Variants in SLC35F4 observed in about 807,000 individuals in gnomAD.
SLC35F4 encodes the protein chromosome 14 open reading frame 36.
Under a neutral mutation model 44.2 loss-of-function variants are expected in SLC35F4, and 24 were observed. The observed-to-expected ratio is 0.54, with a 90% confidence interval of 0.39 to 0.76. SLC35F4 has a LOEUF of 0.76. Ranked by LOEUF, SLC35F4 falls within the 30% of genes least tolerant of loss-of-function variation. SLC35F4 has a pLI of 0.00. For missense variants in SLC35F4, 562 were observed against 586.1 expected, an observed-to-expected ratio of 0.96 and a Z score of 0.42; for synonymous variants, 238 against 223.6, an observed-to-expected ratio of 1.06 and a Z score of -0.57.
intron 1 of SLC35F4, among the ~76,000 whole-genome samples, chr14:57,610,063 T>G (rs2071402329): frequency 6.6e-6 from 1 of 152,220 alleles, no homozygotes; most frequent in South Asian, 2.1e-4. Context: ...TGTCACTATT[T>G]GTTTTGGCTA....
chr14:57,598,159 G>A (rs1328554042), intron 1 of SLC35F4, among the ~76,000 whole-genome samples: 1 of 152,120 alleles, frequency 6.6e-6, no homozygotes, highest in Non-Finnish European at 1.5e-5. Flanking sequence ...TCTCGCTGCT[G>A]GGTACCAGCT....
intron 4 of SLC35F4, among the ~76,000 whole-genome samples, chr14:57,575,499 T>A (rs553309643): frequency 3.6e-4 from 54 of 151,224 alleles, no homozygotes; most frequent in African/African-American, 1.3e-3. Flanking sequence ...ACAAAAAAGA[T>A]GGGGAAAAAA....
chr14:57,836,781 C>T (rs1325302853), intron 1 of SLC35F4, among the ~76,000 whole-genome samples: 2 of 152,142 alleles, frequency 1.3e-5, no homozygotes, highest in Non-Finnish European at 2.9e-5. Context: ...GCACACCCTT[C>T]CTGAATTACT....
At chr14:57,889,762 C>A (rs900926024) in intron 1 of SLC35F4, among the ~76,000 whole-genome samples, 1 of 152,018 alleles carries the variant, frequency 6.6e-6, no homozygotes, top group African/African-American at 2.4e-5. Context: ...AAATGAATGC[C>A]TTTGTTATAT....
At chr14:57,866,767 G>A (rs996584882), upstream of SLC35F4, among the ~76,000 whole-genome samples, 1 of 151,966 alleles carries the variant, frequency 6.6e-6, no homozygotes, top group Non-Finnish European at 1.5e-5. Flanking sequence ...ATATCTGGAC[G>A]AGTGAAAGTC....
intron 1 of SLC35F4, among the ~76,000 whole-genome samples, chr14:57,608,791 G>T (rs1000236946): frequency 5.7e-4 from 13 of 22,758 alleles, no homozygotes; most frequent in East Asian, 1.1e-3. Context: ...GATGGCCGGG[G>T]GGGGGCGGCG....
chr14:57,686,945 A>C (rs139687437), intron 1 of SLC35F4, among the ~76,000 whole-genome samples: 20 of 143,494 alleles, frequency 1.4e-4, no homozygotes, highest in African/African-American at 4.9e-4. Context: ...TAAGGTCTTT[A>C]TAGGAATAAT....
intron 1 of SLC35F4, among the ~76,000 whole-genome samples, chr14:57,946,267 T>C (rs910055322): frequency 6.6e-6 from 1 of 152,120 alleles, no homozygotes; most frequent in Non-Finnish European, 1.5e-5. Context: ...AGGTCTTAGA[T>C]GTATGCCTTT....
chr14:57,644,084 G>C (rs2073378682), intron 1 of SLC35F4, among the ~76,000 whole-genome samples: 1 of 152,176 alleles, frequency 6.6e-6, no homozygotes. Context: ...ACATACGTGT[G>C]CATGTGTCTT....
intron 1 of SLC35F4, among the ~76,000 whole-genome samples, chr14:57,916,459 CT>C (rs1566928810): frequency 1.3e-5 from 2 of 152,238 alleles, no homozygotes; most frequent in East Asian, 3.9e-4. Flanking sequence ...AGTGTAGGAT[CT>C]TTTTGGTATC....
chr14:57,840,240 T>C (rs1261055973), intron 1 of SLC35F4, among the ~76,000 whole-genome samples: 1 of 152,164 alleles, frequency 6.6e-6, no homozygotes, highest in Non-Finnish European at 1.5e-5. Context: ...TACACTGCCA[T>C]CCAAAACAAA....
intron 1 of SLC35F4, among the ~76,000 whole-genome samples, chr14:57,720,559 G>A (rs2076057923): frequency 6.6e-6 from 1 of 152,080 alleles, no homozygotes; most frequent in Non-Finnish European, 1.5e-5. Context: ...AATCTTGGTA[G>A]GTTGTATGTA....
chr14:57,676,152 G>A (rs1157803450), intron 1 of SLC35F4, among the ~76,000 whole-genome samples: 1 of 152,002 alleles, frequency 6.6e-6, no homozygotes, highest in Non-Finnish European at 1.5e-5. Context: ...GCAGGCAAAG[G>A]TTGATTCCAT....
At chr14:57,696,837 A>G (rs11158168) in intron 1 of SLC35F4, among the ~76,000 whole-genome samples, 68,907 of 152,072 alleles carry the variant, frequency 0.45, 15,976 homozygotes, top group African/African-American at 0.56. Flanking sequence ...CAAACACTGC[A>G]TGTTCTCACT....
intron 1 of SLC35F4, among the ~76,000 whole-genome samples, chr14:57,651,171 G>A (rs1332705378): frequency 6.6e-6 from 1 of 152,162 alleles, no homozygotes; most frequent in African/African-American, 2.4e-5. Flanking sequence ...TTCACTACTA[G>A]ATTGGGACCT....
intron 1 of SLC35F4, among the ~76,000 whole-genome samples, chr14:57,944,048 A>G (rs1055730773): frequency 2.0e-5 from 3 of 150,502 alleles, no homozygotes; most frequent in African/African-American, 7.3e-5. Flanking sequence ...CCCCTCCCCA[A>G]ATGAACCCAG....
chr14:57,564,141 C>T lies in SLC35F4; in HGVS notation c.1452G>A (p.Leu484=). The T allele has an allele frequency of 2.5e-6, 4 of 1,613,678 alleles. No homozygotes were observed. The highest frequency in any genetic ancestry group is 3.4e-6 in the Non-Finnish European group (4 of 1,179,780). The change falls in exon 8 of 8, where the codon CTG becomes CTA. Residue 484 remains leucine, a synonymous_variant. Coordinates refer to ENST00000556826, the MANE Select transcript of SLC35F4 (RefSeq NM_001306087.2). The part of the protein sequence containing the change: ...GRANGTVSIP[L]A ...ATTCAAAATATGTCCCTCTCTAAGC[C>T]AGTGGTATAGACACTGTCCCATTGG... is the stretch of plus-strand genomic sequence containing the variant.
At chr14:57,754,542 C>G (rs768672455) in intron 1 of SLC35F4, among the ~76,000 whole-genome samples, 18 of 152,170 alleles carry the variant, frequency 1.2e-4, no homozygotes, top group African/African-American at 4.1e-4. Context: ...ACTCAGGAAC[C>G]AGATTTATTA....
chr14:57,683,449 G>C (rs1304279493), intron 1 of SLC35F4, among the ~76,000 whole-genome samples: 1 of 148,656 alleles, frequency 6.7e-6, no homozygotes, highest in Non-Finnish European at 1.5e-5. Flanking sequence ...ACCATTTTAG[G>C]ATCGCCTTTT....
Sources: gnomAD v4.1 joint callset for allele counts (sites outside exome capture counted in the v4.1 genomes callset) on GRCh38, gnomAD v4.1.1 for gene constraint, MANE v1.5 for transcripts, NCBI Gene and HGNC (gene_info 2026-07-23, HGNC 2026-07-21) for gene names.